ANXA13: variants seen among roughly 807,000 people sequenced by gnomAD.
ANXA13 encodes annexin A13.
A neutral mutation model predicts 46.6 loss-of-function variants in ANXA13; 36 were observed. The observed-to-expected ratio is 0.77, with a 90% CI of 0.59 to 1.02. The LOEUF is 1.02. ANXA13 is among the 50% of genes least tolerant of loss of function. The probability of loss-of-function intolerance (pLI) is 0.00; values close to 1 mark genes in which losing one functional copy is unlikely to be tolerated. For synonymous variants in ANXA13, 163 were observed against 152.9 expected (o/e 1.07, Z -0.49); for missense variants, 417 against 396.5 (o/e 1.05, Z -0.44).
intron 10 of ANXA13, among the ~76,000 whole-genome samples, chr8:123,683,937 T>C (rs11781273): frequency 0.39 from 59,991 of 152,070 alleles, 14,541 homozygotes; most frequent in African/African-American, 0.69. Context: ...CCTCTCCCTT[T>C]TCTTTCTTAT....
At chr8:123,686,299 T>C (rs570587950) in intron 9 of ANXA13, among the ~76,000 whole-genome samples, 17 of 151,902 alleles carry the variant, frequency 1.1e-4, no homozygotes, top group African/African-American at 3.9e-4. Flanking sequence ...ATGGTGAAAC[T>C]CCGTCTCTAC....
chr8:123,704,879 C>T lies in ANXA13; in HGVS notation c.92-2143G>A, dbSNP rs953229470. On this transcript the variant is annotated intron_variant, in intron 2 of 10. Transcript: ENST00000419625. Reference sequence around the variant, plus strand: ...CTATTGGAGTCACTCCTTTCCCAGGCGACTTTCGCCCTTTGACTGATGACT... The same window carrying T: ...CTATTGGAGTCACTCCTTTCCCAGGTGACTTTCGCCCTTTGACTGATGACT... Among the ~76,000 whole-genome samples the T allele has an allele frequency of 6.6e-5, 10 of 152,224 alleles. No homozygotes were observed. The East Asian group carries it at 7.7e-4, about 12-fold the overall frequency.
chr8:123,693,752 C>T lies in ANXA13; in HGVS notation c.499G>A (p.Asp167Asn). 1.2e-6 allele frequency: 2 copies of T among 1,614,104 alleles called. No homozygotes were observed. Among genetic ancestry groups the T allele is most frequent in the East Asian group, 2.2e-5 (1 of 44,886 alleles). Residue 167 changes from aspartate to asparagine, a missense_variant, in exon 7 of 11, where the codon GAC becomes AAC. Transcript: ENST00000419625. ...GCATCCTGACCAGCTAGATCTTTGT[C>T]CACGTCATCTCCTTCATTGCGATTA... is the stretch of plus-strand genomic sequence containing the variant. ...QANRNEGDDV[D>N]KDLAGQDAKD...
chr8:123,680,892 T>C lies in ANXA13; in HGVS notation c.*348A>G. On this transcript the variant is annotated 3_prime_UTR_variant, in exon 11 of 11. Coordinates refer to ENST00000419625, the MANE Select transcript of ANXA13 (RefSeq NM_004306.4). The stretch of plus-strand genomic sequence containing the variant: ...TGTTTAATTTTGTCTTTCCTGTACC[T>C]TACTTGTGTGATGCATATCCTTCTA... 5.2e-6 allele frequency: 1 copy of C among 192,322 alleles called. No homozygotes were observed. The highest frequency in any genetic ancestry group is 1.1e-5 in the Non-Finnish European group (1 of 93,782). The allele number at this position is 192,322 out of a possible 1,614,324, so 11.9% of individuals were successfully genotyped here.
intron 1 of ANXA13, among the ~76,000 whole-genome samples, chr8:123,734,030 T>G (rs1044382490): frequency 2.6e-5 from 4 of 152,220 alleles, no homozygotes; most frequent in African/African-American, 4.8e-5. Context: ...GCCCACGCAA[T>G]GTGGATGCTG....
chr8:123,689,831 A>C (rs768561225), intron 8 of ANXA13, among the ~76,000 whole-genome samples: 8 of 152,260 alleles, frequency 5.3e-5, no homozygotes, highest in Non-Finnish European at 1.0e-4. Flanking sequence ...TCTTTTGAGG[A>C]TATGACACAA....
Position 123,702,706 on chromosome 8 carries a change from A to C in ANXA13, c.122T>G (p.Leu41Ter). 6.2e-7 allele frequency: 1 copy of C among 1,614,108 alleles called. No homozygotes were observed. Among genetic ancestry groups the C allele is most frequent in the Non-Finnish European group, 8.5e-7 (1 of 1,180,012 alleles). The stretch of plus-strand genomic sequence containing the variant: ...CCTCTCATCTGATGTCCTGCCCGAT[A>C]AGATTTCAATGATGGCTGCTTCATT... Reference protein sequence around the residue: ...GTNEAAIIEILSGRTSDERQQ... With the variant: ...GTNEAAIIEI Residue 41 changes from leucine (L) to a stop codon, truncating the protein, a stop_gained, in exon 3 of 11, where the codon TTA becomes TGA. Transcript: ENST00000419625. LOFTEE classifies it high-confidence loss of function.
chr8:123,695,814 C>T (rs1458280693), intron 4 of ANXA13, 93 bp from the exon 5 acceptor site: 1 of 1,093,990 alleles, frequency 9.1e-7, no homozygotes. Flanking sequence ...CATGTCTGGA[C>T]ACAAAGTGCC....
chr8:123,688,055 G>A lies in ANXA13; in HGVS notation c.718+816C>T, dbSNP rs139377766. The stretch of plus-strand genomic sequence containing the variant: ...CTGCCTGAAACTGGATAACAGTCTA[G>A]GTTGTTGACAGGTGCCCTCAGGGAC... On this transcript the variant is annotated intron_variant, in intron 9 of 10. Transcript: ENST00000419625. Among the ~76,000 whole-genome samples the A allele has an allele frequency of 3.7e-4, 56 of 152,300 alleles. 1 individual carries two copies. In the East Asian group the frequency reaches 0.011, roughly 29 times the overall value.
intron 9 of ANXA13, among the ~76,000 whole-genome samples, chr8:123,688,204 G>T (rs1813173805): frequency 6.6e-6 from 1 of 152,136 alleles, no homozygotes; most frequent in Admixed American, 6.5e-5. Context: ...AATCATGGGA[G>T]TGGTTTCCCC....
chr8:123,689,245 T>G (rs1219891237), intron 8 of ANXA13, among the ~76,000 whole-genome samples: 1 of 148,038 alleles, frequency 6.8e-6, no homozygotes, highest in African/African-American at 2.5e-5. Flanking sequence ...AATTAATATA[T>G]AATATATATT....
intron 1 of ANXA13, among the ~76,000 whole-genome samples, chr8:123,736,275 T>C (rs902913146): frequency 1.3e-5 from 2 of 152,218 alleles, no homozygotes; most frequent in Non-Finnish European, 2.9e-5. Flanking sequence ...GCATGAAATA[T>C]ATCATTCTTG....
Position 123,698,568 on chromosome 8 carries a change from A to G in ANXA13, c.187-9T>C, listed in dbSNP as rs1448236041. 1 of 1,613,286 alleles carries G rather than the reference A, an allele frequency of 6.2e-7. No homozygotes were observed. The highest frequency in any genetic ancestry group is 8.5e-7 in the Non-Finnish European group (1 of 1,179,440). On this transcript the variant is annotated splice_polypyrimidine_tract_variant and intron_variant, in intron 3 of 10. Transcript: ENST00000419625. ...AGTACTTCCTCCAGCTCCTACCAGA[A>G]GACAGTGAGAGACGTGCTGGGAATG...
intron 3 of ANXA13, among the ~76,000 whole-genome samples, chr8:123,699,140 C>T (rs1342492934): frequency 6.6e-6 from 1 of 152,156 alleles, no homozygotes; most frequent in South Asian, 2.1e-4. Context: ...AAGAAGAATG[C>T]AGGTATGTAG....
intron 9 of ANXA13, 113 bp from the exon 10 acceptor site, chr8:123,684,835 G>A (rs528612262): frequency 2.7e-6 from 2 of 744,998 alleles, no homozygotes; most frequent in East Asian, 5.0e-5. Context: ...TGGTGAGACA[G>A]AGGTGTGAAA....
chr8:123,734,845 G>A (rs952684605), intron 1 of ANXA13, among the ~76,000 whole-genome samples: 7 of 150,300 alleles, frequency 4.7e-5, no homozygotes, highest in Admixed American at 2.0e-4. Flanking sequence ...TTGTATTTAC[G>A]ATTGTTTATA....
chr8:123,696,190 C>T (rs1292114101), intron 4 of ANXA13, among the ~76,000 whole-genome samples: 1 of 151,976 alleles, frequency 6.6e-6, no homozygotes, highest in Non-Finnish European at 1.5e-5. Context: ...GAATACTGTA[C>T]CTATCATTCC....
chr8:123,734,359 T>C (rs1285780740), intron 1 of ANXA13, among the ~76,000 whole-genome samples: 2 of 152,154 alleles, frequency 1.3e-5, no homozygotes, highest in Non-Finnish European at 2.9e-5. Flanking sequence ...ATCTGATCTT[T>C]CTCTCTGTGT....
At chr8:123,697,068 C>T (rs1189048931) in intron 4 of ANXA13, among the ~76,000 whole-genome samples, 1 of 152,164 alleles carries the variant, frequency 6.6e-6, no homozygotes, top group Non-Finnish European at 1.5e-5. Context: ...TGGCGCCACA[C>T]CTGGCTAATT....
Sources: gnomAD v4.1 joint callset for allele counts (sites outside exome capture counted in the v4.1 genomes callset) on GRCh38, gnomAD v4.1.1 for gene constraint, MANE v1.5 for transcripts, NCBI Gene and HGNC (gene_info 2026-07-23, HGNC 2026-07-21) for gene names.